The following L3MBTL3 variants were observed in gnomAD, a reference collection of about 807,000 sequenced individuals.
The protein encoded by L3MBTL3 is lethal(3)malignant brain tumor-like protein 3.
In L3MBTL3, 27 loss-of-function variants were observed where a neutral mutation model predicts 102.3. The observed-to-expected ratio is 0.26, with a 90% CI of 0.19 to 0.36. L3MBTL3 has a LOEUF of 0.36. L3MBTL3 is among the 10% of genes least tolerant of loss of function. L3MBTL3 has a pLI of 1.00. For missense variants in L3MBTL3, 798 were observed against 955.3 expected, an observed-to-expected ratio of 0.84 and a Z score of 2.17; for synonymous variants, 340 against 320.9, an observed-to-expected ratio of 1.06 and a Z score of -0.64.
At chr6:130,122,388 A>G (rs756051374) in intron 20 of L3MBTL3, among the ~76,000 whole-genome samples, 1 of 152,218 alleles carries the variant, frequency 6.6e-6, no homozygotes, top group African/African-American at 2.4e-5. Flanking sequence ...TACAAAGCCT[A>G]TAAATGGTCA....
intron 14 of L3MBTL3, among the ~76,000 whole-genome samples, 172 bp from the exon 15 acceptor site, chr6:130,083,448 A>C (rs1295276568): frequency 6.6e-6 from 1 of 152,006 alleles, no homozygotes; most frequent in East Asian, 1.9e-4. Context: ...ATAATGATCA[A>C]GATGAAAACA....
chr6:130,057,779 C>T (rs745700605), intron 9 of L3MBTL3, among the ~76,000 whole-genome samples: 4 of 152,144 alleles, frequency 2.6e-5, no homozygotes, highest in African/African-American at 4.8e-5. Flanking sequence ...CCAATACTAC[C>T]ACGAAACACT....
chr6:130,060,101 T>C lies in L3MBTL3; in HGVS notation c.825T>C (p.Pro275=), dbSNP rs7451021. ...GCATGAAATTAGAAGGCGTGGATCC[T>C]GAGCATCAGTCTGTGTACTGTGTCC... The part of the protein sequence containing the change: ...KVGMKLEGVD[P]EHQSVYCVLT... Residue 275 remains proline, a synonymous_variant, in exon 10 of 23, where the codon CCT becomes CCC. Coordinates refer to ENST00000361794, the MANE Select transcript of L3MBTL3 (RefSeq NM_032438.4). 1,102,585 of 1,610,954 alleles carry C rather than the reference T, an allele frequency of 0.68. 380,394 individuals carry two copies. The highest frequency in any genetic ancestry group is 0.82 in the East Asian group (36,719 of 44,838).
intron 20 of L3MBTL3, among the ~76,000 whole-genome samples, chr6:130,122,689 G>T (rs1024565634): frequency 2.0e-5 from 3 of 152,220 alleles, no homozygotes; most frequent in Non-Finnish European, 4.4e-5. Flanking sequence ...GGGCTATTTT[G>T]AATTCTTAGA....
chr6:130,030,944 T>C (rs1176760927), intron 2 of L3MBTL3, among the ~76,000 whole-genome samples: 1 of 152,204 alleles, frequency 6.6e-6, no homozygotes, highest in Non-Finnish European at 1.5e-5. Flanking sequence ...AAGAAATTAT[T>C]GTGCCCCACC....
intron 13 of L3MBTL3, among the ~76,000 whole-genome samples, chr6:130,072,985 G>T (rs1027886208): frequency 6.6e-6 from 1 of 152,146 alleles, no homozygotes; most frequent in African/African-American, 2.4e-5. Context: ...CAGGTTGTTT[G>T]TACTGTTGAG....
chr6:130,072,618 C>G (rs1029388614), intron 13 of L3MBTL3, among the ~76,000 whole-genome samples: 4 of 152,214 alleles, frequency 2.6e-5, no homozygotes, highest in African/African-American at 9.6e-5. Flanking sequence ...GCAACCTTTA[C>G]TCAGCACCAA....
At position 130,092,806 on chromosome 6, in the gene L3MBTL3, T is replaced by C. The variant is rs757747306; in HGVS notation, c.1580T>C (p.Ile527Thr). 5 of 1,613,454 alleles carry C rather than the reference T, an allele frequency of 3.1e-6. No homozygotes were observed. Among genetic ancestry groups the C allele is most frequent in the East Asian group, 2.2e-5 (1 of 44,844 alleles). Residue 527 changes from isoleucine to threonine, a missense_variant, in exon 17 of 23, where the codon ATT (isoleucine) becomes ACT (threonine). Coordinates refer to ENST00000361794, the MANE Select transcript of L3MBTL3 (RefSeq NM_032438.4). ...TGGATAGATGCAGATTCTCCTGATA[T>C]TCACCCTGTAGGCTGGTGTTCAAAA... is the stretch of plus-strand genomic sequence containing the variant. ...DYWIDADSPD[I>T]HPVGWCSKTG...
intron 18 of L3MBTL3, among the ~76,000 whole-genome samples, chr6:130,102,710 C>T (rs1375339575): frequency 6.6e-6 from 1 of 152,200 alleles, no homozygotes; most frequent in Non-Finnish European, 1.5e-5. Flanking sequence ...TCCCCTGGAA[C>T]ATTCTTTCCC....
rs1783674380 is a variant in L3MBTL3 at position 130,086,192 on chromosome 6, G to A, written c.1460G>A (p.Arg487Lys). Residue 487 changes from arginine to lysine, a missense_variant, in exon 16 of 23, where the codon AGG becomes AAG. By Grantham distance (26) the Arg-to-Lys change is conservative. Around this residue, in one of 4 missense-constraint regions of L3MBTL3, gnomAD observed 306 missense variants for 314.4 expected, o/e 0.97. Coordinates refer to ENST00000361794, the MANE Select transcript of L3MBTL3 (RefSeq NM_032438.4). Reference sequence around the variant, plus strand: ...ATGAAGCTTGAGGTTGTAGACAAAAGGAACCCTATGTTTATTAGAGTAGCA... The same window carrying A: ...ATGAAGCTTGAGGTTGTAGACAAAAAGAACCCTATGTTTATTAGAGTAGCA... ...KKMKLEVVDKRNPMFIRVATV... is the reference protein window; with the variant it reads ...KKMKLEVVDKKNPMFIRVATV... 10 of 1,613,148 alleles carry A rather than the reference G, an allele frequency of 6.2e-6. No individual in the cohort carries two copies. Among genetic ancestry groups the A allele is most frequent in the Non-Finnish European group, 6.8e-6 (8 of 1,179,744 alleles).
chr6:130,050,151 C>T (rs992098796), intron 5 of L3MBTL3, among the ~76,000 whole-genome samples: 7 of 152,184 alleles, frequency 4.6e-5, no homozygotes, highest in African/African-American at 1.7e-4. Context: ...TCTAATTTTA[C>T]CCCCTTCCAA....
chr6:130,051,429 A>G, intron 6 of L3MBTL3, 21 bp downstream of exon 6: 7 of 1,602,478 alleles, frequency 4.4e-6, no homozygotes, highest in Non-Finnish European at 5.1e-6. Context: ...GCCCCATTCC[A>G]TCTATAAATT....
chr6:130,099,088 T>C (rs1200393003), intron 18 of L3MBTL3, among the ~76,000 whole-genome samples: 1 of 152,084 alleles, frequency 6.6e-6, no homozygotes, highest in Non-Finnish European at 1.5e-5. Flanking sequence ...CCACACCTAA[T>C]GAGCTGGACC....
chr6:130,110,037 G>A (rs1263140050), intron 19 of L3MBTL3, among the ~76,000 whole-genome samples: 1 of 152,122 alleles, frequency 6.6e-6, no homozygotes, highest in Non-Finnish European at 1.5e-5. Flanking sequence ...TGAGGTCTCT[G>A]TTCTCTTCCA....
intron 20 of L3MBTL3, 99 bp downstream of exon 20, chr6:130,121,057 T>C (rs920401548): frequency 3.9e-6 from 3 of 775,446 alleles, no homozygotes; most frequent in Non-Finnish European, 6.3e-6. Flanking sequence ...ATGTTAAAAA[T>C]GAATTTTATT....
At chr6:130,026,581 C>CT (rs68095801) in intron 2 of L3MBTL3, among the ~76,000 whole-genome samples, 9,650 of 148,740 alleles carry the variant, frequency 0.065, 449 homozygotes, top group Non-Finnish European at 0.1. Flanking sequence ...TTACTTTCTT[C>CT]TTTTTTTTTT....
intron 20 of L3MBTL3, among the ~76,000 whole-genome samples, chr6:130,121,240 A>G (rs1239236059): frequency 6.6e-6 from 1 of 152,098 alleles, no homozygotes; most frequent in Non-Finnish European, 1.5e-5. Context: ...CTCCCCTGGC[A>G]AGTAGACTCC....
intron 19 of L3MBTL3, among the ~76,000 whole-genome samples, chr6:130,120,244 AC>A (rs1282199461): frequency 6.6e-6 from 1 of 152,178 alleles, no homozygotes; most frequent in African/African-American, 2.4e-5. Flanking sequence ...AAAAAAACAA[AC>A]AAACCCGTTT....
chr6:130,104,690 A>G (rs1018393217), intron 19 of L3MBTL3, 115 bp downstream of exon 19: 3 of 699,500 alleles, frequency 4.3e-6, no homozygotes, highest in Non-Finnish European at 6.3e-6. Flanking sequence ...TGTTGAAAAT[A>G]CACCTGACTT....
Sources: gnomAD v4.1 joint callset for allele counts (sites outside exome capture counted in the v4.1 genomes callset) on GRCh38, gnomAD v4.1.1 for gene constraint, gnomAD v4.1.1 regional missense constraint, MANE v1.5 for transcripts, NCBI Gene and HGNC (gene_info 2026-07-23, HGNC 2026-07-21) for gene names.